Variants in DMD observed in about 807,000 individuals in gnomAD.
DMD encodes dystrophin.
In DMD, 63 loss-of-function variants were observed where a neutral mutation model predicts 330.1. That is an observed-to-expected ratio of 0.19 (90% CI 0.16 to 0.24). DMD has a LOEUF of 0.24. DMD is among the 10% of genes least tolerant of loss of function. DMD has a pLI of 1.00. For missense variants in DMD, 3,344 were observed against 2,684.1 expected, an observed-to-expected ratio of 1.25 and a Z score of -5.43; for synonymous variants, 1,223 against 959.8, an observed-to-expected ratio of 1.27 and a Z score of -5.07.
intron 1 of DMD, among the ~76,000 whole-genome samples, chrX:33,237,714 T>C (rs955703040): frequency 8.9e-6 from 1 of 112,218 alleles, no homozygotes; most frequent in Non-Finnish European, 1.9e-5. Context: ...AACCTTACTG[T>C]TCTCATTTAA....
chrX:32,256,014 T>C (rs1477750615), intron 43 of DMD, among the ~76,000 whole-genome samples: 1 of 111,173 alleles, frequency 9.0e-6, no homozygotes, highest in African/African-American at 3.3e-5. Context: ...ACTGAAAACA[T>C]ACTTGCCTGG....
intron 1 of DMD, among the ~76,000 whole-genome samples, chrX:33,136,540 C>G: frequency 9.2e-6 from 1 of 109,121 alleles, no homozygotes; most frequent in Non-Finnish European, 1.9e-5. Flanking sequence ...AACATAATCC[C>G]CAATGCCACA....
At chrX:31,705,317 T>C (rs759306729) in intron 52 of DMD, among the ~76,000 whole-genome samples, 8 of 113,081 alleles carry the variant, frequency 7.1e-5, no homozygotes, top group Non-Finnish European at 1.3e-4. Context: ...TTTGCCCAAG[T>C]TCTTCCCTCT....
intron 63 of DMD, among the ~76,000 whole-genome samples, chrX:31,248,512 C>T (rs2049037846): frequency 8.9e-6 from 1 of 112,111 alleles, no homozygotes; most frequent in African/African-American, 3.2e-5. Context: ...TATGTCACCT[C>T]AAACTCCTAT....
At chrX:33,058,024 G>A (rs1042511077) in intron 1 of DMD, among the ~76,000 whole-genome samples, 2 of 110,184 alleles carry the variant, frequency 1.8e-5, no homozygotes, top group East Asian at 2.9e-4. Context: ...GATTACAGGC[G>A]CCTGCCACCA....
intron 15 of DMD, among the ~76,000 whole-genome samples, chrX:32,572,756 T>A (rs1221402491): frequency 9.0e-6 from 1 of 110,921 alleles, no homozygotes; most frequent in Non-Finnish European, 1.9e-5. Flanking sequence ...CCAAATCTCA[T>A]GTTGAAATGT....
chrX:32,896,153 G>C (rs192568188), intron 2 of DMD, among the ~76,000 whole-genome samples: 95 of 111,116 alleles, frequency 8.5e-4, no homozygotes, highest in African/African-American at 2.9e-3. Context: ...TGCAATAAAG[G>C]GTTCAAAAAT....
At chrX:32,448,140 T>C (rs775262430) in intron 27 of DMD, among the ~76,000 whole-genome samples, 1 of 111,193 alleles carries the variant, frequency 9.0e-6, no homozygotes, top group East Asian at 2.8e-4. Flanking sequence ...TATAGGATTT[T>C]ATGACCTAAT....
chrX:32,023,701 ATGG>A (rs911585481), intron 44 of DMD, among the ~76,000 whole-genome samples: 5 of 111,838 alleles, frequency 4.5e-5, no homozygotes, highest in Non-Finnish European at 9.4e-5. Flanking sequence ...GTGCCCATTA[ATGG>A]TGGACAGGAT....
At chrX:31,340,335 C>T (rs1251412863) in intron 61 of DMD, among the ~76,000 whole-genome samples, 1 of 112,081 alleles carries the variant, frequency 8.9e-6, no homozygotes, top group African/African-American at 3.2e-5. Flanking sequence ...TTTCAGAGTC[C>T]CATTGCCACT....
chrX:31,989,222 C>T (rs2095532607), intron 44 of DMD, among the ~76,000 whole-genome samples: 1 of 111,579 alleles, frequency 9.0e-6, no homozygotes, highest in South Asian at 3.8e-4. Context: ...GAAACAGCCT[C>T]ATAAACACAC....
intron 2 of DMD, among the ~76,000 whole-genome samples, chrX:32,872,567 G>C (rs937852985): frequency 8.9e-6 from 1 of 112,395 alleles, no homozygotes; most frequent in East Asian, 2.8e-4. Context: ...TGCTAAGGTA[G>C]AAATAAAGTC....
At chrX:32,494,420 G>T (rs1289822569) in intron 19 of DMD, among the ~76,000 whole-genome samples, 1 of 111,301 alleles carries the variant, frequency 9.0e-6, no homozygotes, top group Admixed American at 9.6e-5. Context: ...GAAAGGCAGA[G>T]AAATGACCGG....
At chrX:32,888,867 C>A (rs2084920647) in intron 2 of DMD, among the ~76,000 whole-genome samples, 1 of 111,366 alleles carries the variant, frequency 9.0e-6, no homozygotes, top group African/African-American at 3.3e-5. Context: ...TGTGGTTGAA[C>A]CTGGAGGATT....
chrX:32,994,851 G>A (rs1487074241), intron 2 of DMD, among the ~76,000 whole-genome samples: 8 of 112,481 alleles, frequency 7.1e-5, no homozygotes, highest in Non-Finnish European at 5.6e-5. Context: ...GTCAGTCACC[G>A]TGGCTCACGC....
At chrX:32,589,329 T>G (rs1167033276) in intron 13 of DMD, among the ~76,000 whole-genome samples, 1 of 111,328 alleles carries the variant, frequency 9.0e-6, no homozygotes, top group Non-Finnish European at 1.9e-5. Context: ...AGACACTATA[T>G]CACAGTCTGT....
chrX:31,150,603 A>G (rs764254093), intron 74 of DMD, among the ~76,000 whole-genome samples: 3 of 112,505 alleles, frequency 2.7e-5, no homozygotes, highest in African/African-American at 9.7e-5. Flanking sequence ...TGGGAGATCT[A>G]TATCAATGAG....
At chrX:31,661,146 A>G (rs956167037) in intron 53 of DMD, among the ~76,000 whole-genome samples, 2 of 111,886 alleles carry the variant, frequency 1.8e-5, no homozygotes, top group Admixed American at 1.9e-4. Flanking sequence ...GAAAGGTAGA[A>G]ATACGCGTGC....
chrX:32,926,746 C>G (rs1414327263), intron 2 of DMD, among the ~76,000 whole-genome samples: 5 of 95,091 alleles, frequency 5.3e-5, no homozygotes, highest in African/African-American at 2.0e-4. Context: ...AGCAAGACTC[C>G]ATCTCCAAAA....
Sources: gnomAD v4.1 joint callset for allele counts (sites outside exome capture counted in the v4.1 genomes callset) on GRCh38, gnomAD v4.1.1 for gene constraint, MANE v1.5 for transcripts, NCBI Gene and HGNC (gene_info 2026-07-23, HGNC 2026-07-21) for gene names.